The following HUNK variants were observed in gnomAD, a reference collection of about 807,000 sequenced individuals.
HUNK encodes the protein hormonally up-regulated neu tumor-associated kinase.
In HUNK, 21 loss-of-function variants were observed where a neutral mutation model predicts 61.0. The observed-to-expected ratio is 0.34, with a 90% CI of 0.24 to 0.50. HUNK has a LOEUF of 0.50. HUNK is among the 20% of genes least tolerant of loss of function. The pLI, the probability that HUNK is intolerant of heterozygous loss-of-function variation, is 0.98. For synonymous variants in HUNK, 371 were observed against 386.1 expected, an observed-to-expected ratio of 0.96 and a Z score of 0.46; for missense variants, 772 against 945.7, an observed-to-expected ratio of 0.82 and a Z score of 2.41.
chr21:31,984,118 C>T (rs971253507), intron 8 of HUNK, among the ~76,000 whole-genome samples: 15 of 152,034 alleles, frequency 9.9e-5, no homozygotes, highest in Admixed American at 3.3e-4. Context: ...GGTTGCTTAA[C>T]GAACATGAAA....
At chr21:31,916,043 C>CTT (rs34245381) in intron 1 of HUNK, among the ~76,000 whole-genome samples, 8,375 of 81,784 alleles carry the variant, frequency 0.1, 1,406 homozygotes, top group East Asian at 0.16. Context: ...TAAGTGCTTT[C>CTT]TTTTTTTTTT....
chr21:31,980,850 A>G (rs1340954343), intron 7 of HUNK, among the ~76,000 whole-genome samples: 2 of 152,158 alleles, frequency 1.3e-5, no homozygotes, highest in Non-Finnish European at 2.9e-5. Context: ...GATTATAGGC[A>G]TGCGCCACCA....
chr21:31,900,498 A>G (rs1306805567), intron 1 of HUNK, among the ~76,000 whole-genome samples: 1 of 135,548 alleles, frequency 7.4e-6, no homozygotes, highest in Non-Finnish European at 1.6e-5. Flanking sequence ...TGTGCTCGTC[A>G]TGATTTTTCA....
chr21:31,879,011 G>T (rs1003611116), intron 1 of HUNK, among the ~76,000 whole-genome samples: 2 of 152,168 alleles, frequency 1.3e-5, no homozygotes, highest in African/African-American at 2.4e-5. Flanking sequence ...TAAGAGTAAG[G>T]GTTGCCTGCT....
At chr21:31,896,422 A>C (rs1245449985) in intron 1 of HUNK, among the ~76,000 whole-genome samples, 1 of 152,144 alleles carries the variant, frequency 6.6e-6, no homozygotes, top group Non-Finnish European at 1.5e-5. Context: ...TTGCCTCACT[A>C]AACTCTGTTC....
chr21:31,946,220 C>T (rs757034826), intron 4 of HUNK, 49 bp downstream of exon 4: 53 of 1,572,154 alleles, frequency 3.4e-5, no homozygotes, highest in Admixed American at 1.0e-4. Flanking sequence ...CTGTCTCCAC[C>T]GTGCCTTCCT....
At chr21:31,930,841 A>G (rs1459376261) in intron 2 of HUNK, among the ~76,000 whole-genome samples, 1 of 152,090 alleles carries the variant, frequency 6.6e-6, no homozygotes, top group Non-Finnish European at 1.5e-5. Flanking sequence ...TTAGGTCACA[A>G]TTTGTAGAGT....
intron 1 of HUNK, among the ~76,000 whole-genome samples, chr21:31,916,803 A>G (rs2052586093): frequency 6.6e-6 from 1 of 151,894 alleles, no homozygotes; most frequent in Non-Finnish European, 1.5e-5. Context: ...CAGCCTCCCA[A>G]GTAGCTGGGA....
intron 1 of HUNK, among the ~76,000 whole-genome samples, chr21:31,882,744 A>C (rs1238762759): frequency 6.6e-6 from 1 of 152,186 alleles, no homozygotes; most frequent in Admixed American, 6.5e-5. Flanking sequence ...AACAGACATT[A>C]GAATTTAGTT....
chr21:31,957,422 T>G (rs189213533), intron 4 of HUNK, among the ~76,000 whole-genome samples: 1 of 152,290 alleles, frequency 6.6e-6, no homozygotes, highest in East Asian at 1.9e-4. Flanking sequence ...TTGCGAATGA[T>G]TTCTAGTGGG....
At chr21:31,923,161 G>C (rs927530004) in intron 1 of HUNK, among the ~76,000 whole-genome samples, 2 of 152,168 alleles carry the variant, frequency 1.3e-5, no homozygotes, top group African/African-American at 4.8e-5. Flanking sequence ...AAGGAACAGG[G>C]CAGCCGGCGT....
At chr21:31,973,721 G>A (rs1486917163) in intron 6 of HUNK, among the ~76,000 whole-genome samples, 1 of 152,162 alleles carries the variant, frequency 6.6e-6, no homozygotes, top group Non-Finnish European at 1.5e-5. Flanking sequence ...GCAAGGTACT[G>A]CATTGCTGTG....
intron 6 of HUNK, among the ~76,000 whole-genome samples, chr21:31,969,065 A>G (rs1185872043): frequency 6.6e-6 from 1 of 151,560 alleles, no homozygotes; most frequent in Non-Finnish European, 1.5e-5. Flanking sequence ...TTTAGTAGAG[A>G]CGGGGTTTCA....
At chr21:31,981,091 A>G (rs763587098) in intron 7 of HUNK, among the ~76,000 whole-genome samples, 9 of 152,214 alleles carry the variant, frequency 5.9e-5, no homozygotes, top group Non-Finnish European at 7.3e-5. Flanking sequence ...CAGTTTTCCA[A>G]CACCATTTAT....
intron 1 of HUNK, among the ~76,000 whole-genome samples, chr21:31,892,021 C>T (rs866681240): frequency 4.1e-4 from 63 of 151,956 alleles, no homozygotes; most frequent in Middle Eastern, 6.8e-3. Context: ...GCTTGGGACT[C>T]CTATCTGCTT....
At chr21:31,996,168 G>A (rs2053204408) in intron 10 of HUNK, among the ~76,000 whole-genome samples, 1 of 152,242 alleles carries the variant, frequency 6.6e-6, no homozygotes. Context: ...AACAGAGATG[G>A]GGTGCAAAGT....
intron 6 of HUNK, among the ~76,000 whole-genome samples, chr21:31,971,017 GGCAAATCA>G (rs1331465607): frequency 6.6e-6 from 1 of 152,104 alleles, no homozygotes; most frequent in African/African-American, 2.4e-5. Flanking sequence ...TTACACTAGA[GGCAAATCA>G]GTGTTTGGTT....
At chr21:31,952,022 G>A (rs1219390877) in intron 4 of HUNK, among the ~76,000 whole-genome samples, 2 of 79,134 alleles carry the variant, frequency 2.5e-5, no homozygotes, top group East Asian at 5.9e-4. Flanking sequence ...TATAAAGTAC[G>A]AGATTTTTTT....
rs746064468 is a variant in HUNK at position 31,968,715 on chromosome 21, A to AGTGTGT, written c.1010+364_1010+369dup. 4.2e-3 allele frequency among the ~76,000 whole-genome samples: 370 copies of AGTGTGT among 88,276 alleles called. 2 individuals carry two copies. Among genetic ancestry groups the AGTGTGT allele is most frequent in the African/African-American group, 0.01 (279 of 27,892 alleles). The allele number at this position is 88,276 out of a possible 152,430, so 57.9% of individuals were successfully genotyped here. A position where few individuals can be genotyped will look rare whatever the true frequency, so the allele number is the denominator to read the frequency against. On this transcript the variant is annotated intron_variant, in intron 6 of 10. Transcript: ENST00000270112. Reference sequence around the variant, plus strand: ...GACCTTTGAGACTAGCTGTGGCCCGAGTGTGTGTGTGTGTGTGTGTGTGTG... The same window carrying AGTGTGT: ...GACCTTTGAGACTAGCTGTGGCCCGAGTGTGTGTGTGTGTGTGTGTGTGTGTGTGTG...
Sources: allele counts gnomAD v4.1 joint callset (sites outside exome capture counted in the v4.1 genomes callset), GRCh38; gene constraint gnomAD v4.1.1; transcripts MANE v1.5; gene names NCBI Gene and HGNC (gene_info 2026-07-23, HGNC 2026-07-21).